The following CD247 variants were observed in gnomAD, a reference collection of about 807,000 sequenced individuals.
CD247 encodes CD247 molecule.
Under a neutral mutation model 30.0 loss-of-function variants are expected in CD247, and 13 were observed. The observed-to-expected ratio is 0.43, with a 90% CI of 0.28 to 0.69. The LOEUF is 0.69. Ranked by LOEUF, CD247 falls within the 30% of genes least tolerant of loss-of-function variation. The pLI, the probability that CD247 is intolerant of heterozygous loss-of-function variation, is 0.16. For synonymous variants in CD247, 72 were observed against 80.0 expected (o/e 0.90, Z 0.53); for missense variants, 193 against 212.6 (o/e 0.91, Z 0.57).
At chr1:167,472,995 G>A (rs1653594038) in intron 1 of CD247, among the ~76,000 whole-genome samples, 1 of 152,016 alleles carries the variant, frequency 6.6e-6, no homozygotes, top group African/African-American at 2.4e-5. Context: ...TGCTCCTCTG[G>A]CCTGACCACC....
rs1002889441 is a variant in CD247 at position 167,431,413 on chromosome 1, C to T, written c.*268G>A. 4.3e-5 allele frequency: 26 copies of T among 599,704 alleles called. No individual in the cohort carries two copies. The highest frequency in any genetic ancestry group is 2.7e-4 in the East Asian group (10 of 36,410). 37.1% of individuals were successfully genotyped at this position (599,704 alleles called of 1,614,324 possible). On this transcript the variant is annotated 3_prime_UTR_variant, in exon 8 of 8. Coordinates refer to ENST00000362089, the MANE Select transcript of CD247 (RefSeq NM_198053.3). Reference sequence around the variant, plus strand: ...CCGCCTCCCAGGGAGAACGAGGAACCGCCAGGAGACAGGTCTACCTGCACC... The same window carrying T: ...CCGCCTCCCAGGGAGAACGAGGAACTGCCAGGAGACAGGTCTACCTGCACC...
chr1:167,436,624 C>A (rs1651556127), intron 4 of CD247, among the ~76,000 whole-genome samples: 1 of 152,174 alleles, frequency 6.6e-6, no homozygotes, highest in African/African-American at 2.4e-5. Context: ...GGATTAAAGA[C>A]TTAAACATAA....
intron 4 of CD247, among the ~76,000 whole-genome samples, chr1:167,437,760 A>G (rs1263398726): frequency 6.6e-6 from 1 of 152,206 alleles, no homozygotes; most frequent in Non-Finnish European, 1.5e-5. Context: ...CAAAGCCTCA[A>G]TTAGATAGGA....
chr1:167,432,934 G>T, intron 7 of CD247, 90 bp downstream of exon 7: 1 of 1,420,292 alleles, frequency 7.0e-7, no homozygotes, highest in Admixed American at 1.7e-5. Flanking sequence ...GGCAAGAGCT[G>T]GTGCCACCAG....
intron 1 of CD247, among the ~76,000 whole-genome samples, chr1:167,487,991 G>A (rs557219875): frequency 1.1e-4 from 16 of 152,192 alleles, no homozygotes; most frequent in South Asian, 2.1e-4. Flanking sequence ...TTCCCCACTC[G>A]GCCCCCAAAG....
chr1:167,494,860 A>G lies in CD247; in HGVS notation c.58+23548T>C, dbSNP rs535627730. On this transcript the variant is annotated intron_variant, in intron 1 of 7. Transcript: ENST00000362089. This position sits in a 1 kb window ranked among gnomAD's most constrained non-coding sequence, Gnocchi z 7.3. ...TTCAGAGCTGGAAAGAGGGTTAGAG[A>G]CCTATTCCAGGACTTTACTCTACAG... 6.6e-6 allele frequency among the ~76,000 whole-genome samples: 1 copy of G among 152,140 alleles called. No homozygotes were observed. The highest frequency in any genetic ancestry group is 2.4e-5 in the African/African-American group (1 of 41,432).
At chr1:167,448,428 A>C in intron 1 of CD247, 1 of 985,354 alleles carries the variant, frequency 1.0e-6, no homozygotes, top group Non-Finnish European at 1.2e-6. Flanking sequence ...GAACCATTAT[A>C]GCAGGTCATA....
At position 167,489,540 on chromosome 1, in the gene CD247, T is replaced by C. The variant is rs1654353415; in HGVS notation, c.58+28868A>G. ...GATGAGAGAAGCAAAATACTGTTGT[T>C]CACCTAGAGGCTGTTTGCTCAGAAA... On this transcript the variant is annotated intron_variant, in intron 1 of 7. Coordinates refer to ENST00000362089, the MANE Select transcript of CD247 (RefSeq NM_198053.3). 1.3e-5 allele frequency among the ~76,000 whole-genome samples: 2 copies of C among 152,142 alleles called. 1 individual carries two copies. The highest frequency in any genetic ancestry group is 4.1e-4 in the South Asian group (2 of 4,824).
In CD247 at chr1:167,488,814, C is replaced by T. The variant is rs528463579; in HGVS notation, c.58+29594G>A. Among the ~76,000 whole-genome samples the T allele has an allele frequency of 3.9e-5, 6 of 152,294 alleles. No homozygotes were observed. The South Asian group carries it at 6.2e-4, about 16-fold the overall frequency. On this transcript the variant is annotated intron_variant, in intron 1 of 7. Coordinates refer to ENST00000362089, the MANE Select transcript of CD247 (RefSeq NM_198053.3). ...ACAAGTATTTCCCTTTCTGCATGTG[C>T]GTGCGTGTTTTTATGTCACGTACGT...
At chr1:167,491,122 C>A (rs1654426173) in intron 1 of CD247, among the ~76,000 whole-genome samples, 1 of 152,054 alleles carries the variant, frequency 6.6e-6, no homozygotes, top group Admixed American at 6.5e-5. Flanking sequence ...ATTTATATCA[C>A]CCTTTACTCG....
intron 1 of CD247, among the ~76,000 whole-genome samples, chr1:167,498,382 C>T (rs952175210): frequency 1.3e-5 from 2 of 152,170 alleles, no homozygotes; most frequent in East Asian, 3.9e-4. Context: ...GTGAAGAGGG[C>T]CTCAAGGGAG....
intron 1 of CD247, among the ~76,000 whole-genome samples, chr1:167,485,093 A>G (rs1180178099): frequency 2.0e-5 from 3 of 152,228 alleles, no homozygotes. Flanking sequence ...AGGGACAACC[A>G]GGCACATCAC....
chr1:167,492,903 G>A (rs2102081757), intron 1 of CD247, among the ~76,000 whole-genome samples: 1 of 152,280 alleles, frequency 6.6e-6, no homozygotes, highest in East Asian at 1.9e-4. Context: ...AGGGGAGGCA[G>A]GAAAGGGGCT....
intron 1 of CD247, among the ~76,000 whole-genome samples, chr1:167,470,463 C>T (rs541186312): frequency 1.3e-3 from 185 of 141,408 alleles, no homozygotes; most frequent in Non-Finnish European, 2.3e-3. Context: ...TTTTTATTTC[C>T]TATATGACTT....
At chr1:167,515,660 C>T (rs545266468) in intron 1 of CD247, among the ~76,000 whole-genome samples, 73 of 152,330 alleles carry the variant, frequency 4.8e-4, no homozygotes, top group African/African-American at 1.7e-3. Context: ...TTTTCACTAT[C>T]GGGCCTACCT....
chr1:167,492,555 C>CT (rs1654499530), intron 1 of CD247, among the ~76,000 whole-genome samples: 1 of 152,218 alleles, frequency 6.6e-6, no homozygotes, highest in African/African-American at 2.4e-5. Flanking sequence ...AGCTTCTTAA[C>CT]TAGCAGGGAG....
intron 5 of CD247, chr1:167,434,658 GC>G (rs1651441417): frequency 2.5e-6 from 1 of 402,168 alleles, no homozygotes; most frequent in Admixed American, 2.7e-5. Flanking sequence ...CCTCGAAGGG[GC>G]CAGCCACCTC....
At chr1:167,456,742 G>A (rs1325790623) in intron 1 of CD247, among the ~76,000 whole-genome samples, 1 of 152,206 alleles carries the variant, frequency 6.6e-6, no homozygotes, top group African/African-American at 2.4e-5. Flanking sequence ...GCTCTGTGAG[G>A]GAGGGCAGCC....
chr1:167,449,158 T>TTTTTCTTTTTTTC (rs1652239912), intron 1 of CD247, among the ~76,000 whole-genome samples: 1 of 138,182 alleles, frequency 7.2e-6, no homozygotes, highest in Non-Finnish European at 1.6e-5. Context: ...TCTTTTTTTT[T>TTTTTCTTTTTTTC]TTTTTTTTTT....
Sources: gnomAD v4.1 joint callset for allele counts (sites outside exome capture counted in the v4.1 genomes callset) on GRCh38, gnomAD v4.1.1 for gene constraint, Gnocchi (gnomAD v3.1) non-coding constraint, MANE v1.5 for transcripts, NCBI Gene and HGNC (gene_info 2026-07-23, HGNC 2026-07-21) for gene names.